The following B3GALT1 variants were observed in gnomAD, a reference collection of about 807,000 sequenced individuals.
The protein encoded by B3GALT1 is UDP-Gal:betaGlcNAc beta 1,3-galactosyltransferase, polypeptide 1.
A neutral mutation model predicts 23.2 loss-of-function variants in B3GALT1; 10 were observed. That is an observed-to-expected ratio of 0.43 (90% CI 0.27 to 0.73). The LOEUF (loss-of-function observed/expected upper bound fraction) is 0.73. B3GALT1 is among the 30% of genes least tolerant of loss of function. B3GALT1 has a pLI of 0.21. For synonymous variants in B3GALT1, 156 were observed against 141.5 expected (o/e 1.10, Z -0.73); for missense variants, 299 against 405.4 (o/e 0.74, Z 2.25).
At chr2:167,839,717 T>C (rs1689589724) in intron 4 of B3GALT1, among the ~76,000 whole-genome samples, 1 of 151,952 alleles carries the variant, frequency 6.6e-6, no homozygotes, top group Admixed American at 6.6e-5. Context: ...GCCCGCCTTG[T>C]CAAGTCAATC....
chr2:167,584,637 T>C (rs1336253518), intron 2 of B3GALT1, among the ~76,000 whole-genome samples: 1 of 152,218 alleles, frequency 6.6e-6, no homozygotes, highest in African/African-American at 2.4e-5. Flanking sequence ...TAAGTTGTTT[T>C]ACCTGTGATA....
chr2:167,550,123 A>G (rs1161314556), intron 2 of B3GALT1, among the ~76,000 whole-genome samples: 1 of 152,234 alleles, frequency 6.6e-6, no homozygotes, highest in African/African-American at 2.4e-5. Flanking sequence ...TAATCTCAAA[A>G]GTCAACATCC....
At chr2:167,443,009 G>A (rs1221885950) in intron 1 of B3GALT1, among the ~76,000 whole-genome samples, 2 of 151,876 alleles carry the variant, frequency 1.3e-5, no homozygotes, top group Non-Finnish European at 2.9e-5. Context: ...ATGGTTTTAG[G>A]TCTAAGTTTA....
chr2:167,501,507 G>A lies in B3GALT1; in HGVS notation c.-410+11230G>A, dbSNP rs188836402. Among the ~76,000 whole-genome samples, 405 of 151,604 alleles carry A rather than the reference G, an allele frequency of 2.7e-3. 1 individual carries two copies. The highest frequency in any genetic ancestry group is 9.1e-3 in the African/African-American group (375 of 41,394). On this transcript the variant is annotated intron_variant, in intron 2 of 4. Coordinates refer to ENST00000392690, the MANE Select transcript of B3GALT1 (RefSeq NM_020981.4). Reference sequence around the variant, plus strand: ...AAAAAATTTCTGATTTTTGTTTAAAGTTTAAACTTAAAAGACAGCAACAAA... The same window carrying A: ...AAAAAATTTCTGATTTTTGTTTAAAATTTAAACTTAAAAGACAGCAACAAA...
intron 1 of B3GALT1, among the ~76,000 whole-genome samples, chr2:167,406,781 C>T (rs191602231): frequency 1.3e-5 from 2 of 152,274 alleles, no homozygotes; most frequent in Admixed American, 6.5e-5. Flanking sequence ...ACCATGCTGT[C>T]GGATGGTACA....
At chr2:167,847,490 T>C (rs1166464423) in intron 4 of B3GALT1, among the ~76,000 whole-genome samples, 1 of 152,192 alleles carries the variant, frequency 6.6e-6, no homozygotes, top group Non-Finnish European at 1.5e-5. Flanking sequence ...GAATGAGCAC[T>C]GAGTCAAAAA....
At chr2:167,401,479 G>A (rs1698188126) in intron 1 of B3GALT1, among the ~76,000 whole-genome samples, 1 of 151,910 alleles carries the variant, frequency 6.6e-6, no homozygotes, top group Admixed American at 6.6e-5. Flanking sequence ...CTTCTCCTGA[G>A]CTCCCTACAG....
At chr2:167,774,778 G>C (rs962933457) in intron 3 of B3GALT1, among the ~76,000 whole-genome samples, 1 of 152,114 alleles carries the variant, frequency 6.6e-6, no homozygotes, top group Non-Finnish European at 1.5e-5. Flanking sequence ...TTACAGGCGT[G>C]AGCCACCACG....
intron 2 of B3GALT1, among the ~76,000 whole-genome samples, chr2:167,580,125 A>G (rs1684458107): frequency 6.6e-6 from 1 of 152,172 alleles, no homozygotes; most frequent in South Asian, 2.1e-4. Flanking sequence ...GCAGCAAGAT[A>G]AGTCCTGTGG....
intron 4 of B3GALT1, among the ~76,000 whole-genome samples, chr2:167,861,486 A>G (rs150507673): frequency 6.6e-6 from 1 of 152,232 alleles, no homozygotes; most frequent in East Asian, 1.9e-4. Context: ...GCCAAAAAAC[A>G]GTAGGGGTAG....
At chr2:167,529,850 C>T (rs1558894444) in intron 2 of B3GALT1, among the ~76,000 whole-genome samples, 1 of 151,996 alleles carries the variant, frequency 6.6e-6, no homozygotes, top group Admixed American at 6.6e-5. Flanking sequence ...TATATCATCT[C>T]CCTGACTCTA....
At chr2:167,685,394 T>G (rs1686602370) in intron 3 of B3GALT1, among the ~76,000 whole-genome samples, 1 of 152,200 alleles carries the variant, frequency 6.6e-6, no homozygotes, top group African/African-American at 2.4e-5. Flanking sequence ...TGCCTAGCTA[T>G]CCATTATTCT....
chr2:167,759,980 G>T (rs1687876212), intron 3 of B3GALT1, among the ~76,000 whole-genome samples: 1 of 152,150 alleles, frequency 6.6e-6, no homozygotes. Flanking sequence ...AGCATAGAAT[G>T]AAAAATACAT....
chr2:167,848,319 T>A (rs1000131266), intron 4 of B3GALT1, among the ~76,000 whole-genome samples: 3 of 152,134 alleles, frequency 2.0e-5, no homozygotes, highest in African/African-American at 7.2e-5. Context: ...ATATCCTTCA[T>A]GAACATAGAT....
chr2:167,547,276 C>T (rs1456201451), intron 2 of B3GALT1, among the ~76,000 whole-genome samples: 3 of 152,156 alleles, frequency 2.0e-5, no homozygotes. Context: ...TACATCTGCA[C>T]ATTAAAATAT....
intron 3 of B3GALT1, among the ~76,000 whole-genome samples, chr2:167,717,132 C>G (rs1687156988): frequency 6.6e-6 from 1 of 151,988 alleles, no homozygotes; most frequent in Admixed American, 6.6e-5. Flanking sequence ...CCTGTTTTGT[C>G]TTTCATTTTT....
At chr2:167,321,821 A>G (rs1402664932) in intron 1 of B3GALT1, among the ~76,000 whole-genome samples, 1 of 152,002 alleles carries the variant, frequency 6.6e-6, no homozygotes, top group Non-Finnish European at 1.5e-5. Flanking sequence ...AAACTTCCCA[A>G]TATGGTAATC....
intron 1 of B3GALT1, among the ~76,000 whole-genome samples, chr2:167,422,150 A>AAGGAAG (rs1451814043): frequency 6.7e-6 from 1 of 150,036 alleles, no homozygotes; most frequent in African/African-American, 2.4e-5. Context: ...GGAGGGAGGA[A>AAGGAAG]AGGAAGAGGA....
At position 167,561,316 on chromosome 2, in the gene B3GALT1, G is replaced by A. The variant is rs181102387; in HGVS notation, c.-410+71039G>A. ...GACACAGTCAGAGCAGTGTGTAGAC[G>A]GAAATTTATAGGACTAAATGCCCAC... is the stretch of plus-strand genomic sequence containing the variant. On this transcript the variant is annotated intron_variant, in intron 2 of 4. Coordinates refer to ENST00000392690, the MANE Select transcript of B3GALT1 (RefSeq NM_020981.4). Among the ~76,000 whole-genome samples the A allele has an allele frequency of 3.7e-3, 560 of 152,250 alleles. 3 individuals carry two copies. Among genetic ancestry groups the A allele is most frequent in the African/African-American group, 0.012 (516 of 41,522 alleles).
Sources: gnomAD v4.1 joint callset for allele counts (sites outside exome capture counted in the v4.1 genomes callset) on GRCh38, gnomAD v4.1.1 for gene constraint, MANE v1.5 for transcripts, NCBI Gene and HGNC (gene_info 2026-07-23, HGNC 2026-07-21) for gene names.